MEGF10: variants seen among roughly 807,000 people sequenced by gnomAD.
MEGF10 encodes the protein multiple EGF like domains 10, also known as multiple epidermal growth factor-like domains protein 10.
A neutral mutation model predicts 147.5 loss-of-function variants in MEGF10; 86 were observed. The observed-to-expected ratio is 0.58, with a 90% CI of 0.49 to 0.70. The LOEUF (loss-of-function observed/expected upper bound fraction) is 0.70, where lower values mean the gene tolerates loss of function less well. MEGF10 is among the 30% of genes least tolerant of loss of function. The pLI, the probability that MEGF10 is intolerant of heterozygous loss-of-function variation, is 0.00. For missense variants in MEGF10, 1,329 were observed against 1,487.3 expected, an observed-to-expected ratio of 0.89 and a Z score of 1.75; for synonymous variants, 478 against 525.5, an observed-to-expected ratio of 0.91 and a Z score of 1.24.
At chr5:127,379,751 C>T (rs1195562694) in intron 5 of MEGF10, among the ~76,000 whole-genome samples, 1 of 152,052 alleles carries the variant, frequency 6.6e-6, no homozygotes, top group East Asian at 1.9e-4. Flanking sequence ...AGGCGCCCAC[C>T]ACCATGCCTG....
In MEGF10 at chr5:127,459,394, G is replaced by A. The variant is rs1766482736; in HGVS notation, c.*2076G>A. On this transcript the variant is annotated 3_prime_UTR_variant, in exon 25 of 25. Coordinates refer to ENST00000503335, the MANE Select transcript of MEGF10 (RefSeq NM_001256545.2). ...TTATTCCAATAGTTAACCACTGGCT[G>A]GCTCCCAACTCTAGGTGATAGGCAT... is the stretch of plus-strand genomic sequence containing the variant. 6.6e-6 allele frequency: 1 copy of A among 152,160 alleles called. No homozygotes were observed. The highest frequency in any genetic ancestry group is 1.5e-5 in the Non-Finnish European group (1 of 68,036). 9.4% of individuals were successfully genotyped at this position (152,160 alleles called of 1,614,324 possible).
chr5:127,419,714 T>G (rs1413524602), intron 11 of MEGF10, among the ~76,000 whole-genome samples: 2 of 152,168 alleles, frequency 1.3e-5, no homozygotes, highest in Non-Finnish European at 2.9e-5. Context: ...TATTTCACTT[T>G]CCTGATCTGA....
chr5:127,283,428 C>G, the MEGF10 span, among the ~76,000 whole-genome samples: 1 of 152,136 alleles, frequency 6.6e-6, no homozygotes, highest in Non-Finnish European at 1.5e-5. Flanking sequence ...AATCCTGTTT[C>G]TTGCTGAACT....
intron 4 of MEGF10, among the ~76,000 whole-genome samples, chr5:127,363,433 G>A (rs531818006): frequency 1.3e-5 from 2 of 152,234 alleles, no homozygotes; most frequent in South Asian, 4.2e-4. Context: ...AGAGTTGCCT[G>A]GTGCTTTTTG....
chr5:127,280,689 A>AT, the MEGF10 span, among the ~76,000 whole-genome samples: 7 of 149,402 alleles, frequency 4.7e-5, no homozygotes, highest in Non-Finnish European at 1.0e-4. Context: ...AAATCCAGGC[A>AT]TGCTGGATCC....
In MEGF10 at chr5:127,398,014, A is replaced by G. The variant is rs561813576; in HGVS notation, c.660-662A>G. On this transcript the variant is annotated intron_variant, in intron 6 of 24. Transcript: ENST00000503335. ...CTCACTCATAAGTGGGAGTTGAACA[A>G]TGAGAACACATGGACACAGGGAGGG... Among the ~76,000 whole-genome samples the G allele has an allele frequency of 5.5e-5, 8 of 144,738 alleles. No homozygotes were observed. In the South Asian group the frequency reaches 1.7e-3, roughly 31 times the overall value. The allele number at this position is 144,738 out of a possible 152,430, so 95.0% of individuals were successfully genotyped here. A position where few individuals can be genotyped will look rare whatever the true frequency, so the allele number is the denominator to read the frequency against.
Position 127,460,725 on chromosome 5 carries a change from TA to T in MEGF10, c.*3413del, listed in dbSNP as rs1271548693. 1.3e-5 allele frequency: 2 copies of T among 152,202 alleles called. No individual in the cohort carries two copies. The highest frequency in any genetic ancestry group is 2.9e-5 in the Non-Finnish European group (2 of 68,020). The allele number at this position is 152,202 out of a possible 1,614,324, so 9.4% of individuals were successfully genotyped here. A position where few individuals can be genotyped will look rare whatever the true frequency, so the allele number is the denominator to read the frequency against. ...CCACTTTATGCTTAAAATAAAATCA[TA>T]AAAAATCAAGTTTTAAGGTTATATT... is the stretch of plus-strand genomic sequence containing the variant. On this transcript the variant is annotated 3_prime_UTR_variant, in exon 25 of 25. Coordinates refer to ENST00000503335, the MANE Select transcript of MEGF10 (RefSeq NM_001256545.2).
rs146300957 is a variant in MEGF10 at position 127,440,984 on chromosome 5, G to C, written c.2362+117G>C. On this transcript the variant is annotated intron_variant, in intron 18 of 24. Coordinates refer to ENST00000503335, the MANE Select transcript of MEGF10 (RefSeq NM_001256545.2). ...CACTCCGAGGTTGTTTGAGCTGATGGCTGGTTACTTCTCAGCATGACTGAC... is the reference window on the plus strand; with the variant it reads ...CACTCCGAGGTTGTTTGAGCTGATGCCTGGTTACTTCTCAGCATGACTGAC... 3,341 of 1,334,688 alleles carry C rather than the reference G, an allele frequency of 2.5e-3. 6 individuals are homozygous for C. The highest frequency in any genetic ancestry group is 3.1e-3 in the Non-Finnish European group (3,030 of 972,214). The allele number at this position is 1,334,688 out of a possible 1,614,324, so 82.7% of individuals were successfully genotyped here.
intron 5 of MEGF10, among the ~76,000 whole-genome samples, chr5:127,377,972 G>A (rs962948850): frequency 2.6e-5 from 4 of 152,132 alleles, no homozygotes; most frequent in African/African-American, 7.2e-5. Flanking sequence ...TCATCAGAAC[G>A]GTCCCAAAGG....
At chr5:127,423,709 CTT>C (rs1266255869) in intron 13 of MEGF10, among the ~76,000 whole-genome samples, 2 of 152,114 alleles carry the variant, frequency 1.3e-5, no homozygotes, top group African/African-American at 2.4e-5. Flanking sequence ...TGCTCAGACT[CTT>C]TGTTAATTTT....
rs1766518277 is a variant in MEGF10 at position 127,460,364 on chromosome 5, G to C, written c.*3046G>C. 6.6e-6 allele frequency: 1 copy of C among 152,144 alleles called. No individual in the cohort carries two copies. The highest frequency in any genetic ancestry group is 1.5e-5 in the Non-Finnish European group (1 of 68,008). 9.4% of individuals were successfully genotyped at this position (152,144 alleles called of 1,614,324 possible). ...GAGGAACATTTTACAATTATTTACA[G>C]TGTTTGACATTAATTGCTGTCCTAT... On this transcript the variant is annotated 3_prime_UTR_variant, in exon 25 of 25. Transcript: ENST00000503335.
At chr5:127,238,386 A>C in the MEGF10 span, among the ~76,000 whole-genome samples, 1 of 152,148 alleles carries the variant, frequency 6.6e-6, no homozygotes, top group Non-Finnish European at 1.5e-5. Context: ...ATTAAAAAAA[A>C]CCAAGGTCTT....
the MEGF10 span, among the ~76,000 whole-genome samples, chr5:127,247,455 G>GAAC: frequency 7.7e-6 from 1 of 129,168 alleles, no homozygotes; most frequent in African/African-American, 3.0e-5. Flanking sequence ...AGAAGAAGAA[G>GAAC]AAGAAGAAGA....
intron 4 of MEGF10, among the ~76,000 whole-genome samples, chr5:127,347,935 G>A (rs970903634): frequency 4.6e-5 from 7 of 152,026 alleles, no homozygotes; most frequent in African/African-American, 7.2e-5. Context: ...GATCTAGTAA[G>A]ATATATTAAA....
Position 127,371,190 on chromosome 5 carries a change from A to AGTGTGT in MEGF10, c.412+1188_412+1189insGTGTGT, listed in dbSNP as rs1561600717. The stretch of plus-strand genomic sequence containing the variant: ...AACTGTACCTTAAACAGGGACTGGG[A>AGTGTGT]CTGTGTGTGTGTGTGTGTGTGTGTG... On this transcript the variant is annotated intron_variant, in intron 5 of 24. Transcript: ENST00000503335. Among the ~76,000 whole-genome samples, 24 of 93,764 alleles carry AGTGTGT rather than the reference A, an allele frequency of 2.6e-4. No individual in the cohort carries two copies. In the East Asian group the frequency reaches 5.9e-3, roughly 23 times the overall value. The allele number at this position is 93,764 out of a possible 152,430, so 61.5% of individuals were successfully genotyped here.
intron 4 of MEGF10, among the ~76,000 whole-genome samples, chr5:127,342,222 T>C (rs777446274): frequency 2.6e-5 from 4 of 152,170 alleles, no homozygotes; most frequent in Non-Finnish European, 5.9e-5. Context: ...CAGTGTGGAG[T>C]ACACACAGGG....
At chr5:127,393,804 T>G (rs1580808682) in intron 5 of MEGF10, among the ~76,000 whole-genome samples, 3 of 150,206 alleles carry the variant, frequency 2.0e-5, no homozygotes, top group Admixed American at 2.0e-4. Context: ...ATAAGATATC[T>G]TCAAAGTTTT....
At chr5:127,384,448 C>T (rs1268526826) in intron 5 of MEGF10, among the ~76,000 whole-genome samples, 1 of 152,192 alleles carries the variant, frequency 6.6e-6, no homozygotes, top group African/African-American at 2.4e-5. Context: ...AATTATGTAA[C>T]TTTAGCCTAC....
chr5:127,390,583 G>T (rs1325209606), intron 5 of MEGF10, among the ~76,000 whole-genome samples: 5 of 152,096 alleles, frequency 3.3e-5, no homozygotes, highest in Non-Finnish European at 7.4e-5. Flanking sequence ...AAGCCACTGT[G>T]CCTGGCCTTT....
Sources: gnomAD v4.1 joint callset for allele counts (sites outside exome capture counted in the v4.1 genomes callset) on GRCh38, gnomAD v4.1.1 for gene constraint, MANE v1.5 for transcripts, NCBI Gene and HGNC (gene_info 2026-07-23, HGNC 2026-07-21) for gene names.